Variants in ZSWIM2 observed in about 807,000 individuals in gnomAD.
ZSWIM2 encodes the protein zinc finger SWIM-type containing 2.
A neutral mutation model predicts 48.4 loss-of-function variants in ZSWIM2; 38 were observed. That is an observed-to-expected ratio of 0.79 (90% CI 0.61 to 1.03). The LOEUF (loss-of-function observed/expected upper bound fraction) is 1.03. ZSWIM2 is among the 50% of genes least tolerant of loss of function. The pLI, the probability that ZSWIM2 is intolerant of heterozygous loss-of-function variation, is 0.00. For missense variants in ZSWIM2, 776 were observed against 730.2 expected (o/e 1.06, Z -0.72); for synonymous variants, 240 against 251.3 (o/e 0.96, Z 0.42).
intron 1 of ZSWIM2, 139 bp downstream of exon 1, chr2:186,848,827 C>T: frequency 9.4e-7 from 1 of 1,063,704 alleles, no homozygotes; most frequent in Non-Finnish European, 1.4e-6. Context: ...CTGGAACACT[C>T]GTGGGAAGGC....
At chr2:186,838,042 A>G (rs551917855) in intron 4 of ZSWIM2, among the ~76,000 whole-genome samples, 21 of 151,804 alleles carry the variant, frequency 1.4e-4, no homozygotes, top group Non-Finnish European at 2.8e-4. Context: ...TATGCAATAG[A>G]AGCAGACACA....
rs1691640164 is a variant in ZSWIM2 at position 186,828,548 on chromosome 2, C to G, written c.1338G>C (p.Gln446His). The G allele has an allele frequency of 6.2e-7, 1 of 1,613,168 alleles. No homozygotes were observed. The highest frequency in any genetic ancestry group is 1.7e-5 in the Admixed American group (1 of 59,886). Reference protein sequence around the residue: ...NRLGILPSIPQCNFDELNTPQ... With the variant: ...NRLGILPSIPHCNFDELNTPQ... ...GTGTATTCAATTCATCAAAATTACA[C>G]TGAGGTATGCTAGGTAAAATTCCAA... Residue 446 changes from glutamine to histidine, a missense_variant, in exon 9 of 9, where the codon CAG becomes CAC. By Grantham distance (24) the Gln-to-His change is conservative. Coordinates refer to ENST00000295131, the MANE Select transcript of ZSWIM2 (RefSeq NM_182521.3).
intron 7 of ZSWIM2, among the ~76,000 whole-genome samples, chr2:186,830,210 T>A (rs2105815589): frequency 6.6e-6 from 1 of 152,046 alleles, no homozygotes; most frequent in East Asian, 1.9e-4. Context: ...CAAAACCCCA[T>A]CTCTAATAAA....
chr2:186,845,622 T>C (rs1410799915), intron 2 of ZSWIM2, among the ~76,000 whole-genome samples: 1 of 151,506 alleles, frequency 6.6e-6, no homozygotes, highest in African/African-American at 2.4e-5. Context: ...CTTTTCTTAA[T>C]TTCTTATTTT....
Position 186,845,096 on chromosome 2 carries a change from C to A in ZSWIM2, c.243-339G>T, listed in dbSNP as rs72895315. On this transcript the variant is annotated intron_variant, in intron 2 of 8. Transcript: ENST00000295131. The stretch of plus-strand genomic sequence containing the variant: ...TTTATGGTACTGCCTTTAAACTTCT[C>A]TGGAAAGGCAGTAATTTTCTGGATA... Among the ~76,000 whole-genome samples, 988 of 151,476 alleles carry A rather than the reference C, an allele frequency of 6.5e-3. 11 individuals carry two copies. The highest frequency in any genetic ancestry group is 0.017 in the Middle Eastern group (5 of 292).
At position 186,838,862 on chromosome 2, in the gene ZSWIM2, T is replaced by C. The variant is rs575335909; in HGVS notation, c.494+97A>G. ...TATAAATTAGCAGTAGGTAAAGTTG[T>C]CTATTTTTTCCCTATCATGTCTCCT... On this transcript the variant is annotated intron_variant, in intron 4 of 8. Transcript: ENST00000295131. 1.1e-5 allele frequency: 11 copies of C among 991,914 alleles called. 1 individual carries two copies. The highest frequency in any genetic ancestry group is 1.0e-4 in the African/African-American group (6 of 59,938). 61.4% of individuals were successfully genotyped at this position (991,914 alleles called of 1,614,324 possible). A position where few individuals can be genotyped will look rare whatever the true frequency, so the allele number is the denominator to read the frequency against.
chr2:186,828,519 T>G lies in ZSWIM2; in HGVS notation c.1367A>C (p.Gln456Pro), dbSNP rs763099780. Residue 456 changes from glutamine (Q) to proline (P), a missense_variant, in exon 9 of 9, where the codon CAA (glutamine) becomes CCA (proline). Transcript: ENST00000295131. Reference sequence around the variant, plus strand: ...ATTTTCATAGGCATCTTTTGGGCTTTGAGGTGTATTCAATTCATCAAAATT... The same window carrying G: ...ATTTTCATAGGCATCTTTTGGGCTTGGAGGTGTATTCAATTCATCAAAATT... ...QCNFDELNTP[Q>P]SPKDAYENTT... 23 of 1,613,426 alleles carry G rather than the reference T, an allele frequency of 1.4e-5. No homozygotes were observed. In the East Asian group the frequency reaches 4.7e-4, roughly 33 times the overall value.
chr2:186,833,694 T>C (rs1021512033), intron 6 of ZSWIM2, among the ~76,000 whole-genome samples: 4 of 152,192 alleles, frequency 2.6e-5, no homozygotes, highest in African/African-American at 9.6e-5. Flanking sequence ...ATAATTTCTG[T>C]TCTGAAAATT....
At chr2:186,848,877 G>GA (rs766615956) in intron 1 of ZSWIM2, 89 bp downstream of exon 1, 361 of 1,534,116 alleles carry the variant, frequency 2.4e-4, no homozygotes, top group Non-Finnish European at 3.1e-4. Flanking sequence ...CAGAGATTGT[G>GA]ATGGTGGCTA....
intron 2 of ZSWIM2, among the ~76,000 whole-genome samples, chr2:186,846,810 C>CACATATATATATATATATATAT (rs1265650832): frequency 4.2e-5 from 6 of 143,696 alleles, no homozygotes; most frequent in African/African-American, 1.7e-4. Context: ...CACACACACA[C>CACATATATATATATATATATAT]ATATATATAT....
chr2:186,831,397 T>C (rs1691696835), intron 7 of ZSWIM2, among the ~76,000 whole-genome samples: 1 of 135,810 alleles, frequency 7.4e-6, no homozygotes, highest in Non-Finnish European at 1.5e-5. Context: ...TGTATAAATA[T>C]ATATTATATA....
rs1691735224 is a variant in ZSWIM2 at position 186,833,215 on chromosome 2, C to A, written c.846G>T (p.Trp282Cys). The change falls in exon 7 of 9, where the codon TGG becomes TGT. Residue 282 changes from tryptophan to cysteine, a missense_variant. Transcript: ENST00000295131. Reference sequence around the variant, plus strand: ...CATCTGCTCTTTTTTCTAGTGATCTCCATTTTTGGTTTCTTTTCTGTAATA... The same window carrying A: ...CATCTGCTCTTTTTTCTAGTGATCTACATTTTTGGTTTCTTTTCTGTAATA... ...FTFREKRNQKWRSLEKRADEV... is the reference protein window; with the variant it reads ...FTFREKRNQKCRSLEKRADEV... 1.3e-6 allele frequency: 2 copies of A among 1,530,070 alleles called. No homozygotes were observed. The highest frequency in any genetic ancestry group is 4.9e-5 in the East Asian group (2 of 41,048). 94.8% of individuals were successfully genotyped at this position (1,530,070 alleles called of 1,614,324 possible). A position where few individuals can be genotyped will look rare whatever the true frequency, so the allele number is the denominator to read the frequency against.
rs776249776 is a variant in ZSWIM2, at chr2:186,847,768, T to TA, written c.192dup (p.Asn65Ter). The TA allele has an allele frequency of 6.2e-7, 1 of 1,607,112 alleles. No individual in the cohort carries two copies. The highest frequency in any genetic ancestry group is 1.1e-5 in the South Asian group (1 of 89,712). On this transcript the variant is annotated frameshift_variant, in exon 2 of 9. Transcript: ENST00000295131. LOFTEE classifies it high-confidence loss of function. ...CCTCCTTTCGGAAATGTGGAACAGT[T>TA]ACAAACGTGAGGATTTCCTAGAAAA...
chr2:186,834,091 G>A (rs1215332294), intron 5 of ZSWIM2, 61 bp from the exon 6 acceptor site: 2 of 1,375,658 alleles, frequency 1.5e-6, no homozygotes, highest in African/African-American at 2.9e-5. Context: ...TGATGGTTTT[G>A]GGTGAAAAAT....
intron 5 of ZSWIM2, among the ~76,000 whole-genome samples, chr2:186,834,383 C>T (rs1234879368): frequency 6.6e-6 from 1 of 152,088 alleles, no homozygotes; most frequent in Non-Finnish European, 1.5e-5. Context: ...ACCCCAGGCG[C>T]TGACCTGGTC....
At chr2:186,848,876 T>C (rs1692050430) in intron 1 of ZSWIM2, 90 bp downstream of exon 1, 2 of 1,533,498 alleles carry the variant, frequency 1.3e-6, no homozygotes, top group African/African-American at 1.4e-5. Flanking sequence ...GCAGAGATTG[T>C]GATGGTGGCT....
Position 186,839,031 on chromosome 2 carries a change from A to AT in ZSWIM2, c.421dup (p.Ile141AsnfsTer2), listed in dbSNP as rs752855462. The AT allele has an allele frequency of 6.2e-7, 1 of 1,611,648 alleles. No individual in the cohort carries two copies. The highest frequency in any genetic ancestry group is 1.1e-5 in the South Asian group (1 of 90,970). On this transcript the variant is annotated frameshift_variant, in exon 4 of 9. Coordinates refer to ENST00000295131, the MANE Select transcript of ZSWIM2 (RefSeq NM_182521.3). LOFTEE classifies it high-confidence loss of function. ...AATAGAGCAGATATCCTCTGAATCA[A>AT]TTTCCTTCTGTTTAATGTACCCATC...
intron 7 of ZSWIM2, among the ~76,000 whole-genome samples, 189 bp from the exon 8 acceptor site, chr2:186,830,069 A>T (rs1040126350): frequency 6.6e-6 from 1 of 152,174 alleles, no homozygotes; most frequent in African/African-American, 2.4e-5. Context: ...AACAATATGG[A>T]TCCAACTTCA....
At chr2:186,848,875 G>C in intron 1 of ZSWIM2, 91 bp downstream of exon 1, 1 of 1,530,236 alleles carries the variant, frequency 6.5e-7, no homozygotes, top group Non-Finnish European at 9.0e-7. Context: ...CGCAGAGATT[G>C]TGATGGTGGC....
Sources: gnomAD v4.1 joint callset for allele counts (sites outside exome capture counted in the v4.1 genomes callset) on GRCh38, gnomAD v4.1.1 for gene constraint, MANE v1.5 for transcripts, NCBI Gene and HGNC (gene_info 2026-07-23, HGNC 2026-07-21) for gene names.